Variants in KLHL42 observed in about 807,000 individuals in gnomAD.
KLHL42 encodes the protein kelch-like protein 42.
A neutral mutation model predicts 32.7 loss-of-function variants in KLHL42; 27 were observed. The ratio of observed to expected loss-of-function variants is 0.83; its 90% CI spans 0.61 to 1.14. KLHL42 has a LOEUF of 1.14. KLHL42 is among the 50% of genes most tolerant of loss of function. KLHL42 has a pLI of 0.00. For missense variants in KLHL42, 491 were observed against 560.8 expected (o/e 0.88, Z 1.26); for synonymous variants, 267 against 248.2 (o/e 1.08, Z -0.71).
At chr12:27,787,066 T>TA (rs964849085) in intron 1 of KLHL42, among the ~76,000 whole-genome samples, 5 of 152,040 alleles carry the variant, frequency 3.3e-5, no homozygotes, top group Non-Finnish European at 5.9e-5. Flanking sequence ...CTGGAGAAGA[T>TA]AGTGGGTGCT....
Position 27,799,932 on chromosome 12 carries a change from C to T in KLHL42, c.*1766C>T. ...TATTAAGCCCTTAAAAAAATAAAAC[C>T]TCTGAACCAAAATCTTCCCAGGAAT... On this transcript the variant is annotated 3_prime_UTR_variant, in exon 3 of 3. Transcript: ENST00000381271. 1 of 883,346 alleles carries T rather than the reference C, an allele frequency of 1.1e-6. No individual in the cohort carries two copies. Among genetic ancestry groups the T allele is most frequent in the Non-Finnish European group, 1.4e-6 (1 of 736,942 alleles). The allele number at this position is 883,346 out of a possible 1,614,324, so 54.7% of individuals were successfully genotyped here.
At chr12:27,797,101 AGGCATGGTAAAGATCC>A (rs2062222032) in intron 2 of KLHL42, 1 of 384,386 alleles carries the variant, frequency 2.6e-6, no homozygotes. Flanking sequence ...AACTAAGGCT[AGGCATGGTAAAGATCC>A]TGTCTTTAAA....
At position 27,780,814 on chromosome 12, in the gene KLHL42, T is replaced by C. The variant is rs2062143847; in HGVS notation, c.484T>C (p.Cys162Arg). 2 of 1,613,780 alleles carry C rather than the reference T, an allele frequency of 1.2e-6. No homozygotes were observed. Among genetic ancestry groups the C allele is most frequent in the African/African-American group, 1.3e-5 (1 of 75,064 alleles). The change falls in exon 1 of 3, where the codon TGC becomes CGC. Residue 162 changes from cysteine to arginine, a missense_variant. This residue lies in a region of KLHL42 where 248 missense variants were observed against 329.2 expected (regional missense o/e 0.75). Transcript: ENST00000381271. The surrounding 1 kb of genome is among the most constrained non-coding windows in gnomAD (Gnocchi z 8.8). ...GGTCGTCCACTTCCACGAGGTGCTG[T>C]GCAAGCCCCAGTTCCACCTCCTGGG... is the stretch of plus-strand genomic sequence containing the variant. ...FMVVHFHEVL[C>R]KPQFHLLGSP...
intron 2 of KLHL42, among the ~76,000 whole-genome samples, chr12:27,795,408 G>A (rs1016272343): frequency 6.6e-6 from 1 of 152,160 alleles, no homozygotes; most frequent in African/African-American, 2.4e-5. Flanking sequence ...GCCACCCACC[G>A]TGATTTCTGT....
intron 1 of KLHL42, among the ~76,000 whole-genome samples, chr12:27,783,061 A>C (rs555514553): frequency 6.6e-6 from 1 of 152,324 alleles, no homozygotes; most frequent in East Asian, 1.9e-4. Context: ...CTCTCCCAAA[A>C]ACTTAACTAC....
In KLHL42 at chr12:27,780,707, G is replaced by T; in HGVS notation, c.377G>T (p.Arg126Leu). The T allele has an allele frequency of 6.2e-7, 1 of 1,610,928 alleles. No individual in the cohort carries two copies. The highest frequency in any genetic ancestry group is 8.5e-7 in the Non-Finnish European group (1 of 1,178,248). Reference protein sequence around the residue: ...SLLQLLLSQVRLNNCLEMYRL... With the variant: ...SLLQLLLSQVLLNNCLEMYRL... ...CTGCAGCTGCTGCTGTCCCAGGTGC[G>T]GCTCAATAACTGCCTGGAGATGTAC... The change falls in exon 1 of 3, where the codon CGG (arginine) becomes CTG (leucine). Residue 126 changes from arginine to leucine, a missense_variant. Transcript: ENST00000381271. The surrounding 1 kb of genome is among the most constrained non-coding windows in gnomAD (Gnocchi z 8.8).
At position 27,798,154 on chromosome 12, in the gene KLHL42, A is replaced by C. The variant is rs1334571666; in HGVS notation, c.1506A>C (p.Lys502Asn). Residue 502 changes from lysine to asparagine, a missense_variant, in exon 3 of 3, where the codon AAA (lysine) becomes AAC (asparagine). Lys to Asn is a moderately conservative substitution (Grantham distance 94). This residue lies in a region of KLHL42 where 152 missense variants were observed against 125.9 expected (regional missense o/e 1.21). Transcript: ENST00000381271. ...TTTCTTCTCTTTATCTGCCCAATAAAGCAGAAACATGACTGAATTGAATTG... is the reference window on the plus strand; with the variant it reads ...TTTCTTCTCTTTATCTGCCCAATAACGCAGAAACATGACTGAATTGAATTG... ...LLVSSLYLPN[K>N]AET The C allele has an allele frequency of 3.9e-6, 3 of 777,820 alleles. No individual in the cohort carries two copies. The African/African-American group carries it at 5.1e-5, about 13-fold the overall frequency. The allele number at this position is 777,820 out of a possible 1,614,324, so 48.2% of individuals were successfully genotyped here.
chr12:27,781,964 T>C (rs1238326318), intron 1 of KLHL42, among the ~76,000 whole-genome samples: 1 of 152,008 alleles, frequency 6.6e-6, no homozygotes, highest in East Asian at 1.9e-4. Context: ...AGGGAAGGAA[T>C]ATCAAAACAA....
At chr12:27,782,975 A>T (rs2062155519) in intron 1 of KLHL42, among the ~76,000 whole-genome samples, 3 of 152,210 alleles carry the variant, frequency 2.0e-5, no homozygotes, top group African/African-American at 7.2e-5. Context: ...TTGTATAAAT[A>T]CAGTTAACCC....
intron 1 of KLHL42, among the ~76,000 whole-genome samples, chr12:27,790,227 G>T (rs2062190427): frequency 6.6e-6 from 1 of 152,176 alleles, no homozygotes; most frequent in South Asian, 2.1e-4. Context: ...ACAGAAATTT[G>T]AATGATAGTA....
In KLHL42 at chr12:27,798,147, C is replaced by G. The variant is rs761787034; in HGVS notation, c.1499C>G (p.Pro500Arg). Reference protein sequence around the residue: ...HNLLVSSLYLPNKAET With the variant: ...HNLLVSSLYLRNKAET ...TTGCTGGTTTCTTCTCTTTATCTGC[C>G]CAATAAAGCAGAAACATGACTGAAT... Residue 500 changes from proline to arginine, a missense_variant, in exon 3 of 3, where the codon CCC becomes CGC. Around this residue, in one of 4 missense-constraint regions of KLHL42, gnomAD observed 152 missense variants for 125.9 expected, o/e 1.21. Coordinates refer to ENST00000381271, the MANE Select transcript of KLHL42 (RefSeq NM_020782.2). 9.0e-6 allele frequency: 7 copies of G among 778,654 alleles called. No individual in the cohort carries two copies. The highest frequency in any genetic ancestry group is 1.7e-5 in the Admixed American group (1 of 58,862). The allele number at this position is 778,654 out of a possible 1,614,324, so 48.2% of individuals were successfully genotyped here.
Position 27,780,919 on chromosome 12 carries a change from G to T in KLHL42, c.589G>T (p.Val197Leu). 6.2e-7 allele frequency: 1 copy of T among 1,606,748 alleles called. No homozygotes were observed. The highest frequency in any genetic ancestry group is 8.5e-7 in the Non-Finnish European group (1 of 1,174,334). ...EARMTGTPVL[V>L]ALGDFLGGPL... is the part of the protein sequence containing the mutation. The stretch of plus-strand genomic sequence containing the variant: ...CCGGATGACTGGGACTCCTGTCCTC[G>T]TGGCCCTCGGGGACTTCCTGGGGGG... Residue 197 changes from valine (V) to leucine (L), a missense_variant, in exon 1 of 3, where the codon GTG (valine) becomes TTG (leucine). Around this residue, in one of 4 missense-constraint regions of KLHL42, gnomAD observed 248 missense variants for 329.2 expected, o/e 0.75. Transcript: ENST00000381271. The surrounding 1 kb of genome is among the most constrained non-coding windows in gnomAD (Gnocchi z 8.8).
Position 27,798,457 on chromosome 12 carries a change from G to T in KLHL42, c.*291G>T, listed in dbSNP as rs1249244269. On this transcript the variant is annotated 3_prime_UTR_variant, in exon 3 of 3. Transcript: ENST00000381271. ...CGGATCATCAAAATGTAGATTCATT[G>T]TGTCTGTGTGGTAAAGGGCCAAAGT... The T allele has an allele frequency of 2.9e-6, 1 of 344,284 alleles. No homozygotes were observed. Among genetic ancestry groups the T allele is most frequent in the Admixed American group, 4.5e-5 (1 of 22,004 alleles). The allele number at this position is 344,284 out of a possible 1,614,324, so 21.3% of individuals were successfully genotyped here.
chr12:27,796,985 G>T (rs1003445227), intron 2 of KLHL42, among the ~76,000 whole-genome samples: 1 of 152,044 alleles, frequency 6.6e-6, no homozygotes, highest in Admixed American at 6.6e-5. Context: ...TTATCTAGAC[G>T]TTGATCTTAT....
At position 27,798,811 on chromosome 12, in the gene KLHL42, G is replaced by A. The variant is rs1180426629; in HGVS notation, c.*645G>A. ...CTTAGCTATTTTTCCAGCCTTTTTT[G>A]CAGTTACAAATGCTGGATAAATAGA... On this transcript the variant is annotated 3_prime_UTR_variant, in exon 3 of 3. Transcript: ENST00000381271. The A allele has an allele frequency of 6.6e-6, 1 of 152,088 alleles. No individual in the cohort carries two copies. The highest frequency in any genetic ancestry group is 1.5e-5 in the Non-Finnish European group (1 of 67,968). The allele number at this position is 152,088 out of a possible 1,614,324, so 9.4% of individuals were successfully genotyped here.
intron 1 of KLHL42, 96 bp downstream of exon 1, chr12:27,781,298 G>A (rs2062147221): frequency 7.5e-7 from 1 of 1,333,766 alleles, no homozygotes; most frequent in African/African-American, 1.5e-5. Context: ...ATAGGGGAGG[G>A]TGTGCTGTGG....
chr12:27,782,575 C>T (rs1451813749), intron 1 of KLHL42, among the ~76,000 whole-genome samples: 3 of 152,054 alleles, frequency 2.0e-5, no homozygotes, highest in African/African-American at 7.2e-5. Context: ...CATTGTGTGG[C>T]CATGGGTGGT....
At chr12:27,784,912 ATTTTC>A (rs1472783808) in intron 1 of KLHL42, among the ~76,000 whole-genome samples, 1 of 152,132 alleles carries the variant, frequency 6.6e-6, no homozygotes, top group Non-Finnish European at 1.5e-5. Context: ...AAATTGGCTT[ATTTTC>A]TTCACATTCA....
intron 2 of KLHL42, among the ~76,000 whole-genome samples, chr12:27,794,839 G>A (rs1291461027): frequency 4.0e-5 from 6 of 150,310 alleles, no homozygotes; most frequent in South Asian, 2.1e-4. Flanking sequence ...ATTATTTGTC[G>A]AGCTATTCCC....
Sources: gnomAD v4.1 joint callset for allele counts (sites outside exome capture counted in the v4.1 genomes callset) on GRCh38, gnomAD v4.1.1 for gene constraint, gnomAD v4.1.1 regional missense constraint, Gnocchi (gnomAD v3.1) non-coding constraint, MANE v1.5 for transcripts, NCBI Gene and HGNC (gene_info 2026-07-23, HGNC 2026-07-21) for gene names.